The following LGR4 variants were observed in gnomAD, a reference collection of about 807,000 sequenced individuals.
LGR4 encodes the protein leucine rich repeat containing G protein-coupled receptor 4, also known as leucine-rich repeat-containing G protein-coupled receptor 4.
Under a neutral mutation model 84.8 loss-of-function variants are expected in LGR4, and 44 were observed. The observed-to-expected ratio is 0.52, with a 90% confidence interval of 0.41 to 0.67. The LOEUF (loss-of-function observed/expected upper bound fraction) is 0.67, where lower values mean the gene tolerates loss of function less well. LGR4 is among the 30% of genes least tolerant of loss of function. The pLI is 0.00. For missense variants in LGR4, 1,032 were observed against 1,131.4 expected (o/e 0.91, Z 1.26); for synonymous variants, 429 against 434.3 (o/e 0.99, Z 0.15).
At chr11:27,453,294 C>A (rs1311389472) in intron 1 of LGR4, among the ~76,000 whole-genome samples, 1 of 152,148 alleles carries the variant, frequency 6.6e-6, no homozygotes, top group Non-Finnish European at 1.5e-5. Flanking sequence ...GTCTCGAACT[C>A]CCAACCTCAT....
rs1171390809 is a variant in LGR4 at position 27,436,133 on chromosome 11, G to A, written c.186-23273C>T. Reference sequence around the variant, plus strand: ...TCACCGTGTTAGCCAGGATGGTCTCGATCTCCTGACCTCGTGATCCACCCA... The same window carrying A: ...TCACCGTGTTAGCCAGGATGGTCTCAATCTCCTGACCTCGTGATCCACCCA... On this transcript the variant is annotated intron_variant, in intron 1 of 17. Coordinates refer to ENST00000379214, the MANE Select transcript of LGR4 (RefSeq NM_018490.5). Among the ~76,000 whole-genome samples, 11 of 151,648 alleles carry A rather than the reference G, an allele frequency of 7.3e-5. No individual in the cohort carries two copies. The East Asian group carries it at 1.8e-3, about 24-fold the overall frequency.
At chr11:27,425,153 A>C (rs926693932) in intron 1 of LGR4, among the ~76,000 whole-genome samples, 2 of 152,168 alleles carry the variant, frequency 1.3e-5, no homozygotes, top group Non-Finnish European at 2.9e-5. Context: ...TATGTTGACA[A>C]TCAGAAATAA....
intron 1 of LGR4, among the ~76,000 whole-genome samples, chr11:27,433,291 C>T (rs1864145600): frequency 6.6e-6 from 1 of 152,212 alleles, no homozygotes; most frequent in African/African-American, 2.4e-5. Flanking sequence ...CGGCTCACTA[C>T]AAGCTCCGCC....
In LGR4 at chr11:27,372,314, G is replaced by A. The variant is rs1360175699; in HGVS notation, c.1464C>T (p.Ser488=). ...CCTGTGCCACACTGTGGTCCTGGAG[G>A]CTGTTATCTTCTGTGTTTAAATTTG... ...SYANLNTEDN[S]LQDHSVAQEK... The change falls in exon 16 of 18, where the codon AGC becomes AGT. Residue 488 remains serine (S), a synonymous_variant. Transcript: ENST00000379214. 2.5e-6 allele frequency: 4 copies of A among 1,612,796 alleles called. No homozygotes were observed. The highest frequency in any genetic ancestry group is 3.4e-6 in the Non-Finnish European group (4 of 1,178,856).
At chr11:27,426,287 C>A (rs1864024168) in intron 1 of LGR4, among the ~76,000 whole-genome samples, 1 of 152,132 alleles carries the variant, frequency 6.6e-6, no homozygotes, top group Non-Finnish European at 1.5e-5. Context: ...ACTTTACATG[C>A]AAACACATTG....
Position 27,368,174 on chromosome 11 carries a change from T to C in LGR4, c.2549A>G (p.His850Arg), listed in dbSNP as rs1208017492. 1.2e-6 allele frequency: 2 copies of C among 1,614,080 alleles called. No homozygotes were observed. Among genetic ancestry groups the C allele is most frequent in the Admixed American group, 3.3e-5 (2 of 60,006 alleles). ...GCAAACAGTCAGGTTGCCCTGCAAA[T>C]GTGAGTACATGCCACAGTCGTAGTA... is the stretch of plus-strand genomic sequence containing the variant. ...DFYYDCGMYS[H>R]LQGNLTVCDC... Residue 850 changes from histidine to arginine, a missense_variant, in exon 18 of 18, where the codon CAT becomes CGT. Physicochemically the swap from His to Arg is conservative, Grantham distance 29. Transcript: ENST00000379214.
chr11:27,376,404 A>T, intron 12 of LGR4, 34 bp from the exon 13 acceptor site: 1 of 1,160,820 alleles, frequency 8.6e-7, no homozygotes, highest in Non-Finnish European at 1.3e-6. Flanking sequence ...GAAGACGAAG[A>T]CAAAGACAAA....
chr11:27,445,992 A>G (rs1261194689), intron 1 of LGR4, among the ~76,000 whole-genome samples: 1 of 152,254 alleles, frequency 6.6e-6, no homozygotes, highest in Non-Finnish European at 1.5e-5. Flanking sequence ...ATATCGAAAG[A>G]CAATCTGTCT....
chr11:27,395,515 G>A (rs1428073849), intron 2 of LGR4, among the ~76,000 whole-genome samples: 1 of 152,130 alleles, frequency 6.6e-6, no homozygotes, highest in Non-Finnish European at 1.5e-5. Flanking sequence ...GAAAACTAAA[G>A]TCACCTAACT....
Position 27,472,106 on chromosome 11 carries a change from G to T in LGR4, c.185+12C>A. The T allele has an allele frequency of 3.9e-6, 2 of 508,086 alleles. No homozygotes were observed. Among genetic ancestry groups the T allele is most frequent in the South Asian group, 6.3e-5 (1 of 15,848 alleles). The allele number at this position is 508,086 out of a possible 1,614,324, so 31.5% of individuals were successfully genotyped here. A position where few individuals can be genotyped will look rare whatever the true frequency, so the allele number is the denominator to read the frequency against. On this transcript the variant is annotated intron_variant, in intron 1 of 17. Coordinates refer to ENST00000379214, the MANE Select transcript of LGR4 (RefSeq NM_018490.5). Reference sequence around the variant, plus strand: ...CCTCCCCCCCCCTCGCGTCCCCGCCGCCCGCACTCACAGCGCTTGGGTGAA... The same window carrying T: ...CCTCCCCCCCCCTCGCGTCCCCGCCTCCCGCACTCACAGCGCTTGGGTGAA...
intron 2 of LGR4, among the ~76,000 whole-genome samples, chr11:27,403,547 T>C (rs930282786): frequency 3.9e-5 from 6 of 152,240 alleles, no homozygotes; most frequent in African/African-American, 1.4e-4. Flanking sequence ...ACTATGCATT[T>C]ATTAAATGAT....
chr11:27,373,352 G>A (rs1294890076), intron 15 of LGR4, 199 bp downstream of exon 15: 3 of 451,058 alleles, frequency 6.7e-6, no homozygotes, highest in Non-Finnish European at 1.2e-5. Flanking sequence ...GCCATCAAGG[G>A]CTCCAGTTCA....
At chr11:27,432,024 C>T (rs1209380653) in intron 1 of LGR4, among the ~76,000 whole-genome samples, 1 of 151,916 alleles carries the variant, frequency 6.6e-6, no homozygotes, top group African/African-American at 2.4e-5. Context: ...TAATATGTCA[C>T]ATCCTGCCGG....
intron 1 of LGR4, among the ~76,000 whole-genome samples, chr11:27,416,067 A>T (rs1369579713): frequency 6.6e-6 from 1 of 152,172 alleles, no homozygotes; most frequent in African/African-American, 2.4e-5. Context: ...GCTCCTACAG[A>T]TTAGTACCTT....
chr11:27,398,408 G>A (rs79317570), intron 2 of LGR4, among the ~76,000 whole-genome samples: 1,607 of 152,340 alleles, frequency 0.011, 12 homozygotes, highest in Middle Eastern at 0.041. Context: ...TTATTTCTCT[G>A]AGAAATGATG....
At chr11:27,430,690 A>G (rs2133420589) in intron 1 of LGR4, among the ~76,000 whole-genome samples, 1 of 152,172 alleles carries the variant, frequency 6.6e-6, no homozygotes, top group East Asian at 1.9e-4. Context: ...GGACCACGAC[A>G]GTAGCCTTCT....
intron 1 of LGR4, among the ~76,000 whole-genome samples, chr11:27,430,397 A>T (rs1864095839): frequency 6.6e-6 from 1 of 151,938 alleles, no homozygotes; most frequent in Non-Finnish European, 1.5e-5. Context: ...CAAGCTTTCC[A>T]GATAGCTGAG....
intron 15 of LGR4, 40 bp downstream of exon 15, chr11:27,373,511 C>G: frequency 6.7e-7 from 1 of 1,502,000 alleles, no homozygotes; most frequent in Non-Finnish European, 8.9e-7. Context: ...TTGGAGCCTA[C>G]CATAACTTCA....
intron 10 of LGR4, 46 bp from the exon 11 acceptor site, chr11:27,378,814 A>G (rs750552879): frequency 1.8e-5 from 25 of 1,379,858 alleles, no homozygotes; most frequent in Non-Finnish European, 2.5e-5. Context: ...AACTCAAGAT[A>G]GTAAGCAAAA....
Sources: gnomAD v4.1 joint callset for allele counts (sites outside exome capture counted in the v4.1 genomes callset) on GRCh38, gnomAD v4.1.1 for gene constraint, MANE v1.5 for transcripts, NCBI Gene and HGNC (gene_info 2026-07-23, HGNC 2026-07-21) for gene names.